DTL: variants seen among roughly 807,000 people sequenced by gnomAD.
DTL encodes denticleless protein homolog.
In DTL, 46 loss-of-function variants were observed where a neutral mutation model predicts 87.0. The ratio of observed to expected loss-of-function variants is 0.53; its 90% CI spans 0.42 to 0.68. DTL has a LOEUF of 0.68. DTL is among the 30% of genes least tolerant of loss of function. The pLI, the probability that DTL is intolerant of heterozygous loss-of-function variation, is 0.00. For missense variants in DTL, 737 were observed against 869.4 expected (o/e 0.85, Z 1.91); for synonymous variants, 308 against 311.2 (o/e 0.99, Z 0.11).
At chr1:212,073,932 T>G (rs1382530012) in intron 11 of DTL, among the ~76,000 whole-genome samples, 1 of 152,026 alleles carries the variant, frequency 6.6e-6, no homozygotes, top group East Asian at 1.9e-4. Context: ...GCTACCTTTT[T>G]CCTTTCTTCT....
chr1:212,072,296 A>T, intron 11 of DTL, 83 bp downstream of exon 11: 1 of 1,070,076 alleles, frequency 9.3e-7, no homozygotes, highest in East Asian at 2.4e-5. Context: ...GATAAGTTTA[A>T]TGTAACCACG....
chr1:212,051,441 T>C, intron 5 of DTL: 2 of 376,130 alleles, frequency 5.3e-6, no homozygotes, highest in South Asian at 6.2e-5. Context: ...GATATGAAAT[T>C]CTTTTTTTTT....
At chr1:212,068,138 T>G in intron 8 of DTL, 86 bp from the exon 9 acceptor site, 1 of 811,536 alleles carries the variant, frequency 1.2e-6, no homozygotes, top group South Asian at 1.8e-5. Flanking sequence ...AGGAGTTAGA[T>G]TAAAAGTCAT....
intron 13 of DTL, 82 bp downstream of exon 13, chr1:212,080,832 T>C: frequency 6.9e-7 from 1 of 1,447,826 alleles, no homozygotes; most frequent in Non-Finnish European, 9.4e-7. Flanking sequence ...CTAGATTTGA[T>C]CTTGCTTTGG....
chr1:212,096,907 A>G (rs951940506), intron 13 of DTL, among the ~76,000 whole-genome samples: 3 of 152,164 alleles, frequency 2.0e-5, no homozygotes, highest in East Asian at 1.9e-4. Context: ...GTTCTAGGGT[A>G]TAAGTCCATT....
chr1:212,088,853 G>A (rs1269916430), intron 13 of DTL, among the ~76,000 whole-genome samples: 1 of 152,230 alleles, frequency 6.6e-6, no homozygotes, highest in African/African-American at 2.4e-5. Context: ...TTGGGAGGCC[G>A]AGGCAGGCGC....
intron 1 of DTL, among the ~76,000 whole-genome samples, chr1:212,041,038 T>G (rs1667624634): frequency 6.6e-6 from 1 of 152,188 alleles, no homozygotes; most frequent in African/African-American, 2.4e-5. Flanking sequence ...TTGGAATATG[T>G]GCATGTAACT....
chr1:212,091,348 G>A (rs564635874), intron 13 of DTL, among the ~76,000 whole-genome samples: 49 of 152,284 alleles, frequency 3.2e-4, no homozygotes, highest in African/African-American at 1.2e-3. Context: ...TTGTACACTG[G>A]TGGGAATGTA....
At chr1:212,102,746 A>G in intron 14 of DTL, 96 bp from the exon 15 acceptor site, 1 of 814,026 alleles carries the variant, frequency 1.2e-6, no homozygotes, top group Non-Finnish European at 2.0e-6. Context: ...TAAACAATGA[A>G]ATTTCTGGCA....
chr1:212,039,824 A>T (rs1667584936), intron 1 of DTL, among the ~76,000 whole-genome samples: 1 of 152,218 alleles, frequency 6.6e-6, no homozygotes, highest in Non-Finnish European at 1.5e-5. Context: ...GATATAAAAG[A>T]TAAAAAATGG....
At chr1:212,069,743 A>G (rs1235494314) in intron 10 of DTL, among the ~76,000 whole-genome samples, 1 of 151,994 alleles carries the variant, frequency 6.6e-6, no homozygotes, top group African/African-American at 2.4e-5. Context: ...GCAGGGTTTC[A>G]CCTTGTTGGT....
chr1:212,052,165 A>G (rs1668004187), intron 5 of DTL, among the ~76,000 whole-genome samples: 2 of 151,978 alleles, frequency 1.3e-5, no homozygotes, highest in South Asian at 4.1e-4. Context: ...TTCCCTGTAT[A>G]TAATATGCTG....
intron 10 of DTL, among the ~76,000 whole-genome samples, chr1:212,069,648 C>G (rs1055332348): frequency 6.6e-6 from 1 of 151,820 alleles, no homozygotes; most frequent in Non-Finnish European, 1.5e-5. Flanking sequence ...TGGGTTCAAG[C>G]AATTCTCCTG....
rs1168319250 is a variant in DTL, at chr1:212,103,624, T to A, written c.*684T>A. 1.3e-5 allele frequency: 2 copies of A among 152,222 alleles called. No homozygotes were observed. The highest frequency in any genetic ancestry group is 4.8e-5 in the African/African-American group (2 of 41,464). 9.4% of individuals were successfully genotyped at this position (152,222 alleles called of 1,614,324 possible). A position where few individuals can be genotyped will look rare whatever the true frequency, so the allele number is the denominator to read the frequency against. On this transcript the variant is annotated 3_prime_UTR_variant, in exon 15 of 15. Coordinates refer to ENST00000366991, the MANE Select transcript of DTL (RefSeq NM_016448.4). ...CAGAAAGCTGTGTTTGTCTTTTTTC[T>A]CTCAAATATATCTCCCGTATGAGAT...
rs138191220 is a variant in DTL, at chr1:212,099,220, TTTTGTTTG to T, written c.1262-1008_1262-1001del. Among the ~76,000 whole-genome samples, 200 of 151,372 alleles carry T rather than the reference TTTTGTTTG, an allele frequency of 1.3e-3. 1 individual carries two copies. The highest frequency in any genetic ancestry group is 1.7e-3 in the Non-Finnish European group (116 of 67,804). ...TGGACTTTACCCCTCTCACACTGTT[TTTTGTTTG>T]TTTGTTTGTTTGTTTGTTTGTTTTG... is the stretch of plus-strand genomic sequence containing the variant. On this transcript the variant is annotated intron_variant, in intron 13 of 14. Transcript: ENST00000366991.
chr1:212,057,360 GAAA>G (rs35722026), intron 5 of DTL, among the ~76,000 whole-genome samples: 6 of 143,702 alleles, frequency 4.2e-5, no homozygotes, highest in Non-Finnish European at 4.6e-5. Context: ...CATGCTTAAA[GAAA>G]AAAAAAAAAA....
chr1:212,068,001 C>T (rs1430508457), intron 8 of DTL, among the ~76,000 whole-genome samples: 2 of 152,158 alleles, frequency 1.3e-5, no homozygotes, highest in Non-Finnish European at 2.9e-5. Context: ...AGTAACCCAT[C>T]ACTGGGTCAA....
chr1:212,044,004 G>A (rs773103963), intron 2 of DTL, among the ~76,000 whole-genome samples: 3 of 151,848 alleles, frequency 2.0e-5, no homozygotes, highest in African/African-American at 2.4e-5. Context: ...CAAGAGAATC[G>A]CTTGAACCTG....
intron 13 of DTL, among the ~76,000 whole-genome samples, chr1:212,093,332 T>G (rs2102581271): frequency 6.6e-6 from 1 of 152,322 alleles, no homozygotes; most frequent in South Asian, 2.1e-4. Flanking sequence ...TTGCTGTCTA[T>G]AGGCGGCTTG....
Sources: gnomAD v4.1 joint callset for allele counts (sites outside exome capture counted in the v4.1 genomes callset) on GRCh38, gnomAD v4.1.1 for gene constraint, MANE v1.5 for transcripts, NCBI Gene and HGNC (gene_info 2026-07-23, HGNC 2026-07-21) for gene names.